LAMA5: variants seen among roughly 807,000 people sequenced by gnomAD.
The protein encoded by LAMA5 is laminin subunit alpha 5, also known as laminin subunit alpha-5.
Under a neutral mutation model 433.4 loss-of-function variants are expected in LAMA5, and 260 were observed. That is an observed-to-expected ratio of 0.60 (90% CI 0.54 to 0.66). The LOEUF (loss-of-function observed/expected upper bound fraction) is 0.66, where lower values mean the gene tolerates loss of function less well. LAMA5 is among the 30% of genes least tolerant of loss of function. The pLI, the probability that LAMA5 is intolerant of heterozygous loss-of-function variation, is 0.00. For missense variants in LAMA5, 5,378 were observed against 5,258.5 expected, an observed-to-expected ratio of 1.02 and a Z score of -0.70; for synonymous variants, 2,620 against 2,226.6, an observed-to-expected ratio of 1.18 and a Z score of -4.97.
At chr20:62,331,411 C>A (rs34083791) in intron 28 of LAMA5, among the ~76,000 whole-genome samples, 110,923 of 151,370 alleles carry the variant, frequency 0.73, 44,275 homozygotes, top group East Asian at 0.94. Context: ...CCAAGATGCC[C>A]TTGCTCCTCC....
In LAMA5 at chr20:62,332,638, C is replaced by A; in HGVS notation, c.3362G>T (p.Arg1121Leu). 1 of 1,607,150 alleles carries A rather than the reference C, an allele frequency of 6.2e-7. No individual in the cohort carries two copies. Among genetic ancestry groups the A allele is most frequent in the Non-Finnish European group, 8.5e-7 (1 of 1,177,408 alleles). Reference sequence around the variant, plus strand: ...GTGCACGGCCACGCCCACCTCCTGGCGGGCATCCTCATTGGCGTACTCCAC... The same window carrying A: ...GTGCACGGCCACGCCCACCTCCTGGAGGGCATCCTCATTGGCGTACTCCAC... The part of the protein sequence containing the change: ...LVVEYANEDA[R>L]QEVGVAVHTP... The change falls in exon 27 of 80, where the codon CGC (arginine) becomes CTC (leucine). Residue 1121 changes from arginine (R) to leucine (L), a missense_variant. Physicochemically the swap from Arg to Leu is moderately radical, Grantham distance 102. Transcript: ENST00000252999.
intron 2 of LAMA5, among the ~76,000 whole-genome samples, chr20:62,354,321 C>T (rs1368853976): frequency 2.9e-5 from 4 of 139,544 alleles, no homozygotes; most frequent in African/African-American, 7.7e-5. Flanking sequence ...TCTGATCAGC[C>T]TGGGCTTCCC....
In LAMA5 at chr20:62,329,806, G is replaced by A. The variant is rs762846297; in HGVS notation, c.4090C>T (p.Arg1364Cys). 6.8e-6 allele frequency: 11 copies of A among 1,612,312 alleles called. No homozygotes were observed. The highest frequency in any genetic ancestry group is 5.5e-5 in the South Asian group (5 of 90,994). Residue 1364 changes from arginine to cysteine, a missense_variant, in exon 32 of 80, where the codon CGT becomes TGT. Physicochemically the swap from Arg to Cys is radical, Grantham distance 180 (BLOSUM62 -3). Coordinates refer to ENST00000252999, the MANE Select transcript of LAMA5 (RefSeq NM_005560.6). ...VTHSELTVTV[R>C]VPKGRWLWLD... Reference sequence around the variant, plus strand: ...CAGAGCCACCGGCCCTTGGGCACACGCACGGTCACAGTGAGCTCGCTGTGG... The same window carrying A: ...CAGAGCCACCGGCCCTTGGGCACACACACGGTCACAGTGAGCTCGCTGTGG...
At chr20:62,317,573 C>T in intron 54 of LAMA5, 74 bp from the exon 55 acceptor site, 1 of 1,523,678 alleles carries the variant, frequency 6.6e-7, no homozygotes, top group Non-Finnish European at 8.8e-7. Flanking sequence ...GCGGGCTCTG[C>T]ACGCAAGTGT....
At position 62,318,579 on chromosome 20, in the gene LAMA5, C is replaced by A. The variant is rs111653839; in HGVS notation, c.7114G>T (p.Asp2372Tyr). Residue 2372 changes from aspartate (D) to tyrosine (Y), a missense_variant, in exon 53 of 80, where the codon GAC becomes TAC. Transcript: ENST00000252999. The stretch of plus-strand genomic sequence containing the variant: ...CCGGCCTCGTGCTGGGCCAGCCGGT[C>A]GCGGGTTTGTGTGGCCAGTGCCTGG... ...ENQALATQTR[D>Y]RLAQHEAGLM... 22 of 1,610,522 alleles carry A rather than the reference C, an allele frequency of 1.4e-5. No individual in the cohort carries two copies. In the Admixed American group the frequency reaches 1.8e-4, roughly 13 times the overall value.
intron 51 of LAMA5, 153 bp from the exon 52 acceptor site, chr20:62,319,166 G>C: frequency 1.4e-6 from 1 of 722,986 alleles, no homozygotes; most frequent in Non-Finnish European, 2.2e-6. Flanking sequence ...AGCACCTGGC[G>C]AAAGGCCACA....
chr20:62,309,283 G>A lies in LAMA5; in HGVS notation c.*53C>T, dbSNP rs3184293. ...AGACACCTATGAGGCGAGCACAAGGGGCGGTGTGAGGCAGCTGCAGGGGCC... is the reference window on the plus strand; with the variant it reads ...AGACACCTATGAGGCGAGCACAAGGAGCGGTGTGAGGCAGCTGCAGGGGCC... On this transcript the variant is annotated 3_prime_UTR_variant, in exon 80 of 80. Coordinates refer to ENST00000252999, the MANE Select transcript of LAMA5 (RefSeq NM_005560.6). The A allele has an allele frequency of 0.085, 132,500 of 1,565,582 alleles. 6,120 individuals are homozygous for A. Among genetic ancestry groups the A allele is most frequent in the Non-Finnish European group, 0.091 (105,989 of 1,159,460 alleles).
Position 62,316,965 on chromosome 20 carries a change from C to G in LAMA5, c.7570G>C (p.Ala2524Pro), listed in dbSNP as rs376340588. 7 of 1,567,080 alleles carry G rather than the reference C, an allele frequency of 4.5e-6. No individual in the cohort carries two copies. The highest frequency in any genetic ancestry group is 6.1e-6 in the Non-Finnish European group (7 of 1,153,106). Residue 2524 changes from alanine (A) to proline (P), a missense_variant, in exon 56 of 80, where the codon GCC becomes CCC. Coordinates refer to ENST00000252999, the MANE Select transcript of LAMA5 (RefSeq NM_005560.6). ...ACGGCCTGCAGGATGCGGCTGTAGGCGTTGGAGGCCTCGATGGCCCTCTGG... is the reference window on the plus strand; with the variant it reads ...ACGGCCTGCAGGATGCGGCTGTAGGGGTTGGAGGCCTCGATGGCCCTCTGG... The part of the protein sequence containing the change: ...LTQRAIEASN[A>P]YSRILQAVQA...
chr20:62,364,313 G>A (rs1162834349), intron 1 of LAMA5, among the ~76,000 whole-genome samples: 1 of 152,202 alleles, frequency 6.6e-6, no homozygotes, highest in African/African-American at 2.4e-5. Flanking sequence ...GGGACAGCCG[G>A]ACCTCCCAGG....
In LAMA5 at chr20:62,311,680, C is replaced by G. The variant is rs1002361394; in HGVS notation, c.9740G>C (p.Gly3247Ala). The G allele has an allele frequency of 1.7e-5, 27 of 1,590,376 alleles. No individual in the cohort carries two copies. Among genetic ancestry groups the G allele is most frequent in the Non-Finnish European group, 2.2e-5 (26 of 1,169,592 alleles). ...AATGGTGCCAGACTCAGGCAGGCCT[C>G]CCAGGAGGAGCCTCGGGGGCCCCTC... ...QPEGPPRLLL[G>A]GLPESGTIYN... Residue 3247 changes from glycine to alanine, a missense_variant, in exon 71 of 80, where the codon GGA becomes GCA. Gly to Ala is a moderately conservative substitution (Grantham distance 60, BLOSUM62 0). Coordinates refer to ENST00000252999, the MANE Select transcript of LAMA5 (RefSeq NM_005560.6).
Position 62,310,317 on chromosome 20 carries a change from G to A in LAMA5, c.10601-6C>T. The A allele has an allele frequency of 6.3e-7, 1 of 1,595,454 alleles. No individual in the cohort carries two copies. Among genetic ancestry groups the A allele is most frequent in the Non-Finnish European group, 8.6e-7 (1 of 1,169,380 alleles). ...CAGTGTAGCTCCTGGGAGGTCTGCG[G>A]GGAGGGGTTGTGATGGAGAAGAAAG... On this transcript the variant is annotated splice_polypyrimidine_tract_variant and splice_region_variant and intron_variant, in intron 76 of 79. Transcript: ENST00000252999.
rs757535140 is a variant in LAMA5, at chr20:62,335,214, C to T, written c.2376+3G>A. 2 of 1,612,662 alleles carry T rather than the reference C, an allele frequency of 1.2e-6. No homozygotes were observed. Among genetic ancestry groups the T allele is most frequent in the East Asian group, 2.2e-5 (1 of 44,880 alleles). On this transcript the variant is annotated splice_donor_region_variant and intron_variant, in intron 19 of 79. Transcript: ENST00000252999. Reference sequence around the variant, plus strand: ...TCCCCCACACCTTGGTCCTCAGACTCACCGGCTGGCACTCAGCAACTCCAC... The same window carrying T: ...TCCCCCACACCTTGGTCCTCAGACTTACCGGCTGGCACTCAGCAACTCCAC...
chr20:62,354,706 C>T (rs1209125399), intron 2 of LAMA5, among the ~76,000 whole-genome samples: 1 of 152,168 alleles, frequency 6.6e-6, no homozygotes, highest in African/African-American at 2.4e-5. Context: ...CAGGGCTCAG[C>T]CCCTGCTGCA....
At chr20:62,348,071 C>G (rs750347835) in intron 6 of LAMA5, among the ~76,000 whole-genome samples, 4 of 152,160 alleles carry the variant, frequency 2.6e-5, no homozygotes. Context: ...TTCAAAAATC[C>G]ACATAGTCAA....
At chr20:62,360,200 T>G in intron 2 of LAMA5, among the ~76,000 whole-genome samples, 1 of 144,136 alleles carries the variant, frequency 6.9e-6, no homozygotes, top group African/African-American at 2.6e-5. Flanking sequence ...ATCCACGTGG[T>G]CAGGAAAGTG....
intron 1 of LAMA5, among the ~76,000 whole-genome samples, chr20:62,363,813 C>A (rs929910623): frequency 6.6e-6 from 1 of 152,034 alleles, no homozygotes; most frequent in African/African-American, 2.4e-5. Flanking sequence ...GAGGGCCCAA[C>A]CCCCTCGCCC....
Position 62,352,170 on chromosome 20 carries a change from T to A in LAMA5, c.687+72A>T, listed in dbSNP as rs1984426832. ...CCACCTTTCCCTTCTCCAGCCCCGC[T>A]CGGCACTGCCCCTCCCCTACCCACC... On this transcript the variant is annotated intron_variant, in intron 4 of 79. Coordinates refer to ENST00000252999, the MANE Select transcript of LAMA5 (RefSeq NM_005560.6). 6.3e-6 allele frequency: 10 copies of A among 1,574,870 alleles called. No individual in the cohort carries two copies. The South Asian group carries it at 9.0e-5, about 14-fold the overall frequency.
At chr20:62,328,200 A>G (rs1979660598) in intron 35 of LAMA5, 41 bp downstream of exon 35, 1 of 1,548,706 alleles carries the variant, frequency 6.5e-7, no homozygotes, top group Non-Finnish European at 8.7e-7. Flanking sequence ...GCTGTCCTTA[A>G]GGCCACCAGG....
chr20:62,346,311 T>A, intron 9 of LAMA5, 96 bp from the exon 10 acceptor site: 1 of 1,490,188 alleles, frequency 6.7e-7, no homozygotes, highest in Non-Finnish European at 9.1e-7. Context: ...GCCAGGGCCA[T>A]GGGGATGAGG....
Sources: gnomAD v4.1 joint callset for allele counts (sites outside exome capture counted in the v4.1 genomes callset) on GRCh38, gnomAD v4.1.1 for gene constraint, MANE v1.5 for transcripts, NCBI Gene and HGNC (gene_info 2026-07-23, HGNC 2026-07-21) for gene names.